The following OSBPL9 variants were observed in gnomAD, a reference collection of about 807,000 sequenced individuals.
OSBPL9 encodes oxysterol binding protein like 9.
In OSBPL9, 40 loss-of-function variants were observed where a neutral mutation model predicts 106.6. That is an observed-to-expected ratio of 0.38 (90% CI 0.29 to 0.49). The LOEUF (loss-of-function observed/expected upper bound fraction) is 0.49, where lower values mean the gene tolerates loss of function less well. OSBPL9 is among the 20% of genes least tolerant of loss of function. OSBPL9 has a pLI of 0.97. For synonymous variants in OSBPL9, 269 were observed against 295.4 expected (o/e 0.91, Z 0.92); for missense variants, 609 against 887.2 (o/e 0.69, Z 3.98).
chr1:51,649,527 T>C (rs555970727), intron 1 of OSBPL9, among the ~76,000 whole-genome samples: 11 of 152,332 alleles, frequency 7.2e-5, no homozygotes, highest in Non-Finnish European at 1.3e-4. Flanking sequence ...GTTGTTTCCT[T>C]GTCTTGGAAT....
chr1:51,639,815 T>TA (rs1645663374), intron 1 of OSBPL9, among the ~76,000 whole-genome samples: 1 of 141,338 alleles, frequency 7.1e-6, no homozygotes, highest in Non-Finnish European at 1.5e-5. Flanking sequence ...CATTCCTAGT[T>TA]GTTTTTTTTT....
chr1:51,649,933 G>A (rs917837410), intron 1 of OSBPL9, among the ~76,000 whole-genome samples: 1 of 151,932 alleles, frequency 6.6e-6, no homozygotes, highest in African/African-American at 2.4e-5. Context: ...AGAGTGCAGG[G>A]GTGTGGTCAT....
intron 6 of OSBPL9, among the ~76,000 whole-genome samples, chr1:51,747,043 C>T (rs1419534489): frequency 1.3e-5 from 2 of 152,218 alleles, no homozygotes; most frequent in Non-Finnish European, 2.9e-5. Context: ...GATCTCAGCT[C>T]ACTGCAACCT....
At chr1:51,555,917 A>T in the OSBPL9 span, among the ~76,000 whole-genome samples, 11 of 152,328 alleles carry the variant, frequency 7.2e-5, no homozygotes, top group South Asian at 1.0e-3. Context: ...CTATTTTTTT[A>T]AAATAACATT....
At chr1:51,683,750 G>A (rs1165532549) in intron 3 of OSBPL9, among the ~76,000 whole-genome samples, 6 of 151,698 alleles carry the variant, frequency 4.0e-5, no homozygotes, top group East Asian at 2.0e-4. Flanking sequence ...CCAAGATCGC[G>A]CCCCTGCTCT....
At chr1:51,607,164 C>CTT (rs1320905927) in intron 2 of OSBPL9, among the ~76,000 whole-genome samples, 70 of 136,366 alleles carry the variant, frequency 5.1e-4, no homozygotes, top group Admixed American at 2.3e-3. Context: ...TTTTCTTTTT[C>CTT]TTTTTTTTTT....
At chr1:51,597,914 C>T (rs1402803997) in intron 1 of OSBPL9, among the ~76,000 whole-genome samples, 1 of 152,176 alleles carries the variant, frequency 6.6e-6, no homozygotes, top group African/African-American at 2.4e-5. Flanking sequence ...CCAATCCTTG[C>T]TCTCCAGGAA....
At chr1:51,662,386 G>A (rs1361150122) in intron 2 of OSBPL9, among the ~76,000 whole-genome samples, 5 of 152,142 alleles carry the variant, frequency 3.3e-5, no homozygotes, top group African/African-American at 1.2e-4. Context: ...TATGGAGCAT[G>A]AGTGTGGAAG....
chr1:51,608,116 G>A (rs551828974), intron 2 of OSBPL9, among the ~76,000 whole-genome samples: 1 of 152,104 alleles, frequency 6.6e-6, no homozygotes, highest in Non-Finnish European at 1.5e-5. Flanking sequence ...AGTGTTCCTA[G>A]AGGAAGGTCA....
At chr1:51,652,209 T>A (rs1646559872) in intron 2 of OSBPL9, among the ~76,000 whole-genome samples, 168 bp downstream of exon 2, 1 of 152,212 alleles carries the variant, frequency 6.6e-6, no homozygotes, top group Admixed American at 6.5e-5. Flanking sequence ...TTAGTCAGTA[T>A]CAGAACCAGG....
chr1:51,636,153 T>C (rs12746249), intron 1 of OSBPL9, among the ~76,000 whole-genome samples: 10 of 100,492 alleles, frequency 1.0e-4, no homozygotes, highest in Non-Finnish European at 2.0e-4. Flanking sequence ...CTCTCTCTTG[T>C]TTTTTTTTTT....
intron 1 of OSBPL9, among the ~76,000 whole-genome samples, chr1:51,627,246 C>T (rs1353361705): frequency 6.6e-6 from 1 of 152,004 alleles, no homozygotes; most frequent in East Asian, 1.9e-4. Context: ...AATGATCCTT[C>T]TGTCTCAGCC....
chr1:51,706,975 C>T (rs1052151103), intron 3 of OSBPL9, among the ~76,000 whole-genome samples: 6 of 152,142 alleles, frequency 3.9e-5, no homozygotes, highest in Admixed American at 1.3e-4. Flanking sequence ...TTCCAGGCCC[C>T]TCCCTCTTCA....
chr1:51,578,331 T>G (rs754880584), intron 1 of OSBPL9, among the ~76,000 whole-genome samples: 45 of 152,214 alleles, frequency 3.0e-4, no homozygotes, highest in Non-Finnish European at 8.8e-5. Context: ...TCAGTGCTAA[T>G]TATTTTTCTG....
intron 1 of OSBPL9, among the ~76,000 whole-genome samples, chr1:51,631,986 G>T (rs902018046): frequency 6.6e-6 from 1 of 152,156 alleles, no homozygotes; most frequent in African/African-American, 2.4e-5. Context: ...CCACTGGAAG[G>T]TCTTTAGGGC....
At position 51,629,701 on chromosome 1, in the gene OSBPL9, T is replaced by C. The variant is rs183005495; in HGVS notation, c.111+12480T>C. 2.6e-3 allele frequency among the ~76,000 whole-genome samples: 398 copies of C among 152,160 alleles called. 1 individual carries two copies. Among genetic ancestry groups the C allele is most frequent in the African/African-American group, 9.1e-3 (377 of 41,520 alleles). The stretch of plus-strand genomic sequence containing the variant: ...CAGTGGCTCATGCCTGTAATCCCAG[T>C]GCTTTGAGAGGCTGAGGTGGGTGGA... On this transcript the variant is annotated intron_variant, in intron 1 of 23. Coordinates refer to ENST00000428468, the MANE Select transcript of OSBPL9 (RefSeq NM_024586.6).
chr1:51,740,181 C>T, intron 4 of OSBPL9: 1 of 1,541,888 alleles, frequency 6.5e-7, no homozygotes, highest in Non-Finnish European at 8.7e-7. Context: ...CTTCTGGTAT[C>T]TCTCCAGTTC....
chr1:51,649,160 G>A (rs1646351739), intron 1 of OSBPL9, among the ~76,000 whole-genome samples: 1 of 152,014 alleles, frequency 6.6e-6, no homozygotes. Flanking sequence ...AGGATGGAGT[G>A]CAGCAGTGCC....
chr1:51,534,319 G>T, the OSBPL9 span, among the ~76,000 whole-genome samples: 7 of 152,126 alleles, frequency 4.6e-5, no homozygotes, highest in Non-Finnish European at 8.8e-5. Flanking sequence ...TATTAGGGAA[G>T]TTTTATGCTT....
Sources: allele counts gnomAD v4.1 joint callset (sites outside exome capture counted in the v4.1 genomes callset), GRCh38; gene constraint gnomAD v4.1.1; transcripts MANE v1.5; gene names NCBI Gene and HGNC (gene_info 2026-07-23, HGNC 2026-07-21).